Variants in BRAF observed in about 807,000 individuals in gnomAD.
The protein encoded by BRAF is B-Raf proto-oncogene, serine/threonine kinase, also known as serine/threonine-protein kinase B-raf.
BRAF carries 16 observed loss-of-function variants against 104.6 expected under a neutral mutation model. That is an observed-to-expected ratio of 0.15 (90% confidence interval 0.10 to 0.23). The LOEUF is 0.23. Among genes scored for constraint, BRAF ranks in the 10% least tolerant of loss-of-function variants. The pLI is 1.00. For missense variants in BRAF, 541 were observed against 937.3 expected (o/e 0.58, Z 5.52); for synonymous variants, 310 against 341.6 (o/e 0.91, Z 1.02).
At chr7:140,825,454 G>A (rs1393298161) in intron 3 of BRAF, among the ~76,000 whole-genome samples, 1 of 152,124 alleles carries the variant, frequency 6.6e-6, no homozygotes, top group African/African-American at 2.4e-5. Context: ...TATAGACTGT[G>A]CTTCTGGTGT....
At chr7:140,770,565 T>C (rs1161631050) in intron 14 of BRAF, among the ~76,000 whole-genome samples, 4 of 146,836 alleles carry the variant, frequency 2.7e-5, no homozygotes, top group Admixed American at 6.8e-5. Flanking sequence ...GTACTGACCA[T>C]TCCTGGAATT....
At chr7:140,812,790 T>C (rs1804425166) in intron 3 of BRAF, among the ~76,000 whole-genome samples, 1 of 152,174 alleles carries the variant, frequency 6.6e-6, no homozygotes, top group South Asian at 2.1e-4. Flanking sequence ...GGGGTAAAGA[T>C]GAACTTTTAA....
chr7:140,843,804 G>A (rs1808254101), intron 2 of BRAF, among the ~76,000 whole-genome samples: 2 of 152,188 alleles, frequency 1.3e-5, no homozygotes, highest in Admixed American at 6.5e-5. Context: ...AGGAGATCGA[G>A]ACCATCTTGG....
At chr7:140,846,066 A>G (rs1808511335) in intron 2 of BRAF, among the ~76,000 whole-genome samples, 1 of 152,166 alleles carries the variant, frequency 6.6e-6, no homozygotes, top group Non-Finnish European at 1.5e-5. Flanking sequence ...CAGTAGGAAT[A>G]TAAAACAGGG....
downstream of BRAF, among the ~76,000 whole-genome samples, chr7:140,714,397 T>C (rs889209722): frequency 6.6e-6 from 1 of 152,180 alleles, no homozygotes; most frequent in African/African-American, 2.4e-5. Flanking sequence ...AGATAGGGTC[T>C]GTCTTAGTCA....
At chr7:140,798,868 A>G (rs888677559) in intron 7 of BRAF, among the ~76,000 whole-genome samples, 1 of 151,438 alleles carries the variant, frequency 6.6e-6, no homozygotes, top group Non-Finnish European at 1.5e-5. Flanking sequence ...TTTTTTTGAG[A>G]CAGAATCTCA....
intron 3 of BRAF, among the ~76,000 whole-genome samples, chr7:140,819,299 A>G (rs553373013): frequency 2.0e-4 from 31 of 152,348 alleles, no homozygotes; most frequent in South Asian, 4.1e-4. Context: ...ATTACTAGTC[A>G]TAAGGGAAAT....
chr7:140,892,462 A>G (rs1252257738), intron 1 of BRAF, among the ~76,000 whole-genome samples: 1 of 152,252 alleles, frequency 6.6e-6, no homozygotes, highest in Non-Finnish European at 1.5e-5. Context: ...TTTAGATAAC[A>G]CAGTATCCCC....
Position 140,726,261 on chromosome 7 carries a change from G to GT in BRAF, c.*232dup. The GT allele has an allele frequency of 7.1e-7, 1 of 1,400,386 alleles. No individual in the cohort carries two copies. The allele number at this position is 1,400,386 out of a possible 1,614,324, so 86.7% of individuals were successfully genotyped here. ...TTTCTTCCTGGGACTGGGCAGACTT[G>GT]TATGCTCGTGGTATTTTTGTTGAAG... On this transcript the variant is annotated 3_prime_UTR_variant, in exon 20 of 20. Transcript: ENST00000644969.
chr7:140,883,527 C>T (rs944841361), intron 1 of BRAF, among the ~76,000 whole-genome samples: 2 of 152,226 alleles, frequency 1.3e-5, no homozygotes, highest in Non-Finnish European at 2.9e-5. Flanking sequence ...TACCCCATCC[C>T]TAAATCATCT....
In BRAF at chr7:140,720,391, T is replaced by A; in HGVS notation, c.*6103A>T. On this transcript the variant is annotated 3_prime_UTR_variant, in exon 20 of 20. Transcript: ENST00000644969. The stretch of plus-strand genomic sequence containing the variant: ...CAGCACAGAGACATACACCCCTGTA[T>A]GTAAACTAACATAACATGAAGATAA... The A allele has an allele frequency of 9.4e-7, 1 of 1,062,456 alleles. No individual in the cohort carries two copies. The highest frequency in any genetic ancestry group is 4.6e-5 in the South Asian group (1 of 21,954). 65.8% of individuals were successfully genotyped at this position (1,062,456 alleles called of 1,614,324 possible).
intron 19 of BRAF, chr7:140,734,277 G>A: frequency 1.1e-5 from 13 of 1,224,980 alleles, no homozygotes; most frequent in Non-Finnish European, 1.3e-5. Flanking sequence ...GGCAACAAAA[G>A]TTGCATGAGA....
At chr7:140,909,842 CAACA>C (rs1816775904) in intron 1 of BRAF, among the ~76,000 whole-genome samples, 1 of 148,042 alleles carries the variant, frequency 6.8e-6, no homozygotes, top group African/African-American at 2.6e-5. Context: ...ACAACAACAA[CAACA>C]AAAAAGTGCC....
chr7:140,885,966 G>C (rs924683019), intron 1 of BRAF, among the ~76,000 whole-genome samples: 1 of 152,142 alleles, frequency 6.6e-6, no homozygotes, highest in Admixed American at 6.6e-5. Flanking sequence ...TTATAGCATA[G>C]GTGAGTAAGA....
intron 2 of BRAF, among the ~76,000 whole-genome samples, chr7:140,843,895 G>C (rs1223471908): frequency 6.6e-6 from 1 of 152,232 alleles, no homozygotes; most frequent in Non-Finnish European, 1.5e-5. Context: ...TGTAGTCCCA[G>C]CTACTCGGGA....
At chr7:140,873,979 A>G (rs1254700304) in intron 1 of BRAF, among the ~76,000 whole-genome samples, 1 of 152,230 alleles carries the variant, frequency 6.6e-6, no homozygotes, top group African/African-American at 2.4e-5. Flanking sequence ...GAATAAAAAT[A>G]AAAACAAGGA....
chr7:140,758,368 TAA>T (rs1252785842), intron 14 of BRAF: 1 of 152,228 alleles, frequency 6.6e-6, no homozygotes, highest in Non-Finnish European at 1.5e-5. Flanking sequence ...TAAAAATAAT[TAA>T]AATATCGAAT....
intron 14 of BRAF, among the ~76,000 whole-genome samples, chr7:140,762,608 T>G (rs1009756613): frequency 3.0e-5 from 4 of 134,356 alleles, no homozygotes; most frequent in Non-Finnish European, 4.9e-5. Flanking sequence ...GAGCTGTTTT[T>G]TTTTTTTTTT....
intron 17 of BRAF, among the ~76,000 whole-genome samples, chr7:140,747,202 G>GT (rs1425260281): frequency 6.6e-6 from 1 of 152,134 alleles, no homozygotes; most frequent in Admixed American, 6.5e-5. Context: ...ACTATTTGAC[G>GT]TAAGTAGACT....
Sources: allele counts gnomAD v4.1 joint callset (sites outside exome capture counted in the v4.1 genomes callset), GRCh38; gene constraint gnomAD v4.1.1; transcripts MANE v1.5; gene names NCBI Gene and HGNC (gene_info 2026-07-23, HGNC 2026-07-21).